The following TNKS variants were observed in gnomAD, a reference collection of about 807,000 sequenced individuals.
The protein encoded by TNKS is poly [ADP-ribose] polymerase tankyrase-1.
Under a neutral mutation model 135.8 loss-of-function variants are expected in TNKS, and 72 were observed. The ratio of observed to expected loss-of-function variants is 0.53; its 90% CI spans 0.44 to 0.64. The LOEUF is 0.64. Ranked by LOEUF, TNKS falls within the 30% of genes least tolerant of loss-of-function variation. The pLI is 0.00. For missense variants in TNKS, 1,769 were observed against 1,674.0 expected (o/e 1.06, Z -0.99); for synonymous variants, 849 against 649.3 (o/e 1.31, Z -4.68).
intron 11 of TNKS, among the ~76,000 whole-genome samples, chr8:9,718,147 A>G (rs1206997480): frequency 6.6e-6 from 1 of 152,168 alleles, no homozygotes; most frequent in Non-Finnish European, 1.5e-5. Context: ...TTCTTCTATC[A>G]TAGATATATT....
intron 3 of TNKS, among the ~76,000 whole-genome samples, chr8:9,632,808 C>G (rs1271240451): frequency 6.6e-6 from 1 of 152,204 alleles, no homozygotes; most frequent in Non-Finnish European, 1.5e-5. Context: ...CAGCTCGCTG[C>G]AAGCTCCGCC....
intron 17 of TNKS, among the ~76,000 whole-genome samples, chr8:9,735,958 C>T (rs949589543): frequency 2.0e-5 from 3 of 151,826 alleles, no homozygotes; most frequent in East Asian, 1.9e-4. Flanking sequence ...TGTATCTTCC[C>T]GGCTAAGCTT....
At chr8:9,573,787 G>T (rs1455948132) in intron 1 of TNKS, among the ~76,000 whole-genome samples, 2 of 152,140 alleles carry the variant, frequency 1.3e-5, no homozygotes, top group Non-Finnish European at 2.9e-5. Context: ...TCTAATTAGG[G>T]GGAAAATGAC....
In TNKS at chr8:9,751,495, G is replaced by A. The variant is rs1806529116; in HGVS notation, c.2833-114G>A. Reference sequence around the variant, plus strand: ...AAGGAATGATCAAAAACCAGTAGGTGATAATGAGGCATTCATTAAGGAAAA... The same window carrying A: ...AAGGAATGATCAAAAACCAGTAGGTAATAATGAGGCATTCATTAAGGAAAA... On this transcript the variant is annotated intron_variant, in intron 18 of 26. Coordinates refer to ENST00000310430, the MANE Select transcript of TNKS (RefSeq NM_003747.3). The A allele has an allele frequency of 9.4e-6, 8 of 849,046 alleles. No individual in the cohort carries two copies. The East Asian group carries it at 1.5e-4, about 16-fold the overall frequency. 52.6% of individuals were successfully genotyped at this position (849,046 alleles called of 1,614,324 possible). A position where few individuals can be genotyped will look rare whatever the true frequency, so the allele number is the denominator to read the frequency against.
intron 3 of TNKS, among the ~76,000 whole-genome samples, chr8:9,678,257 G>A (rs1184259036): frequency 6.6e-6 from 1 of 150,794 alleles, no homozygotes; most frequent in East Asian, 2.0e-4. Flanking sequence ...TTGGGGGCAT[G>A]GGTTATGCCA....
intron 2 of TNKS, among the ~76,000 whole-genome samples, chr8:9,587,702 G>A (rs544820940): frequency 2.6e-5 from 4 of 152,178 alleles, no homozygotes; most frequent in African/African-American, 9.6e-5. Flanking sequence ...GCGCCTGGCC[G>A]ACACTTTGAT....
chr8:9,582,432 A>G (rs1026576949), intron 2 of TNKS, among the ~76,000 whole-genome samples: 1 of 152,170 alleles, frequency 6.6e-6, no homozygotes, highest in African/African-American at 2.4e-5. Context: ...CCTGATTTTT[A>G]TAAAGATTAA....
chr8:9,634,499 G>T (rs1800430165), intron 3 of TNKS, among the ~76,000 whole-genome samples: 1 of 152,146 alleles, frequency 6.6e-6, no homozygotes. Flanking sequence ...TTTGTTTTTT[G>T]CAGTGTGTGG....
chr8:9,607,440 C>G (rs1303711385), intron 2 of TNKS, among the ~76,000 whole-genome samples: 1 of 152,068 alleles, frequency 6.6e-6, no homozygotes, highest in South Asian at 2.1e-4. Flanking sequence ...TCTTTGATTC[C>G]ACATGCAAAC....
intron 3 of TNKS, among the ~76,000 whole-genome samples, chr8:9,642,837 T>A (rs1800773022): frequency 6.8e-6 from 1 of 146,162 alleles, no homozygotes; most frequent in Non-Finnish European, 1.5e-5. Context: ...TTATTTTACC[T>A]CTGTTGGAGA....
At position 9,735,402 on chromosome 8, in the gene TNKS, T is replaced by C. The variant is rs1476003041; in HGVS notation, c.2559T>C (p.Ala853=). 5.0e-6 allele frequency: 8 copies of C among 1,614,040 alleles called. 1 individual carries two copies. The Middle Eastern group carries it at 4.9e-4, about 99-fold the overall frequency. The change falls in exon 17 of 27, where the codon GCT becomes GCC. Residue 853 remains alanine (A), a synonymous_variant. Transcript: ENST00000310430. The part of the protein sequence containing the change: ...LAAGYNNLEV[A]EYLLEHGADV... Reference sequence around the variant, plus strand: ...CAGGCTATAATAACCTGGAAGTAGCTGAATATCTTCTAGAGCATGGAGCTG... The same window carrying C: ...CAGGCTATAATAACCTGGAAGTAGCCGAATATCTTCTAGAGCATGGAGCTG...
intron 1 of TNKS, chr8:9,575,405 T>G (rs1041472071): frequency 1.0e-6 from 1 of 985,336 alleles, no homozygotes; most frequent in African/African-American, 1.7e-5. Flanking sequence ...ACAAGGTGGG[T>G]CAACTCTACC....
At chr8:9,653,209 C>T (rs1035428707) in intron 3 of TNKS, among the ~76,000 whole-genome samples, 1 of 152,108 alleles carries the variant, frequency 6.6e-6, no homozygotes, top group African/African-American at 2.4e-5. Context: ...AATCAAATTA[C>T]TGTTGTTTAT....
intron 2 of TNKS, among the ~76,000 whole-genome samples, chr8:9,615,031 G>A (rs1009087696): frequency 6.6e-6 from 1 of 152,106 alleles, no homozygotes; most frequent in African/African-American, 2.4e-5. Context: ...GCAGCTCCAC[G>A]CCAGGGGACC....
At chr8:9,754,248 C>G (rs560515216) in intron 20 of TNKS, among the ~76,000 whole-genome samples, 19 of 152,236 alleles carry the variant, frequency 1.2e-4, no homozygotes, top group African/African-American at 4.3e-4. Flanking sequence ...ATAATATGGC[C>G]CTAGATATCT....
intron 20 of TNKS, among the ~76,000 whole-genome samples, chr8:9,758,594 A>C (rs932185237): frequency 6.6e-6 from 1 of 152,200 alleles, no homozygotes; most frequent in African/African-American, 2.4e-5. Flanking sequence ...AGCATGGCTT[A>C]GTTGGGTGCC....
intron 2 of TNKS, among the ~76,000 whole-genome samples, chr8:9,581,732 A>C (rs2129053547): frequency 6.6e-6 from 1 of 152,258 alleles, no homozygotes; most frequent in East Asian, 1.9e-4. Flanking sequence ...TATCCTTTCC[A>C]GGCTTCAGTC....
chr8:9,753,422 A>G (rs890925552), intron 20 of TNKS, among the ~76,000 whole-genome samples: 1 of 152,204 alleles, frequency 6.6e-6, no homozygotes, highest in Non-Finnish European at 1.5e-5. Flanking sequence ...TTGGCCATAC[A>G]TTCCAATAGA....
At position 9,782,185 on chromosome 8, in the gene TNKS, T is replaced by A. The variant is rs1431482987; in HGVS notation, c.*5449T>A. ...AGTCCTTTTTCCCTCACCCTCCACT[T>A]CTTTCCAAAGGAGGGCATCAAGGAA... On this transcript the variant is annotated 3_prime_UTR_variant, in exon 27 of 27. Transcript: ENST00000310430. 3.3e-5 allele frequency: 5 copies of A among 152,630 alleles called. No individual in the cohort carries two copies. Among genetic ancestry groups the A allele is most frequent in the Non-Finnish European group, 5.9e-5 (4 of 68,048 alleles). 9.5% of individuals were successfully genotyped at this position (152,630 alleles called of 1,614,324 possible).
Sources: gnomAD v4.1 joint callset for allele counts (sites outside exome capture counted in the v4.1 genomes callset) on GRCh38, gnomAD v4.1.1 for gene constraint, MANE v1.5 for transcripts, NCBI Gene and HGNC (gene_info 2026-07-23, HGNC 2026-07-21) for gene names.